The following SYTL5 variants were observed in gnomAD, a reference collection of about 807,000 sequenced individuals.
The protein encoded by SYTL5 is synaptotagmin like 5, also known as synaptotagmin-like protein 5.
SYTL5 carries 34 observed loss-of-function variants against 55.9 expected under a neutral mutation model. The ratio of observed to expected loss-of-function variants is 0.61; its 90% CI spans 0.46 to 0.81. The LOEUF (loss-of-function observed/expected upper bound fraction) is 0.81, where lower values mean the gene tolerates loss of function less well. Ranked by LOEUF, SYTL5 falls within the 30% of genes least tolerant of loss-of-function variation. The pLI, the probability that SYTL5 is intolerant of heterozygous loss-of-function variation, is 0.00. For missense variants in SYTL5, 637 were observed against 546.7 expected, an observed-to-expected ratio of 1.17 and a Z score of -1.65; for synonymous variants, 221 against 188.7, an observed-to-expected ratio of 1.17 and a Z score of -1.40.
chrX:37,953,954 T>A, the SYTL5 span, among the ~76,000 whole-genome samples: 1 of 111,367 alleles, frequency 9.0e-6, no homozygotes, highest in South Asian at 3.8e-4. Context: ...GTTTATAGGC[T>A]GAGATAAAGG....
chrX:37,965,712 C>T, the SYTL5 span, among the ~76,000 whole-genome samples: 3 of 111,742 alleles, frequency 2.7e-5, no homozygotes, highest in East Asian at 5.6e-4. Context: ...AGTATTGAAT[C>T]GCCTACTATT....
chrX:38,052,900 C>T (rs539599517), intron 2 of SYTL5, among the ~76,000 whole-genome samples: 1 of 111,875 alleles, frequency 8.9e-6, no homozygotes, highest in South Asian at 3.7e-4. Flanking sequence ...TGAGAAGGAA[C>T]CTGTCTTCTG....
the SYTL5 span, among the ~76,000 whole-genome samples, chrX:37,959,900 G>A: frequency 8.9e-6 from 1 of 111,772 alleles, no homozygotes; most frequent in African/African-American, 3.3e-5. Flanking sequence ...AAATCTGGGT[G>A]AAGGATGTTC....
chrX:37,988,486 A>C, the SYTL5 span, among the ~76,000 whole-genome samples: 10 of 112,567 alleles, frequency 8.9e-5, no homozygotes, highest in African/African-American at 1.6e-4. Flanking sequence ...GGTTGCTGCT[A>C]TAAGAAATAT....
At chrX:38,065,632 A>G (rs1936077388) in intron 3 of SYTL5, among the ~76,000 whole-genome samples, 1 of 111,856 alleles carries the variant, frequency 8.9e-6, no homozygotes, top group African/African-American at 3.3e-5. Flanking sequence ...GTAGTGCTCT[A>G]TAGTTTCACC....
the SYTL5 span, among the ~76,000 whole-genome samples, chrX:37,956,054 C>A: frequency 8.9e-6 from 1 of 111,944 alleles, no homozygotes; most frequent in Non-Finnish European, 1.9e-5. Context: ...ACTACATGGA[C>A]TAATCTTGCA....
chrX:38,005,755 GA>G (rs1933971939), upstream of SYTL5, among the ~76,000 whole-genome samples: 1 of 111,504 alleles, frequency 9.0e-6, no homozygotes, highest in Non-Finnish European at 1.9e-5. Flanking sequence ...TTTAACATAA[GA>G]AAGTAATAAC....
the SYTL5 span, among the ~76,000 whole-genome samples, chrX:37,931,552 A>G: frequency 9.0e-6 from 1 of 111,483 alleles, no homozygotes; most frequent in East Asian, 2.8e-4. Flanking sequence ...ATCTGGAATG[A>G]TACCATATAC....
the SYTL5 span, among the ~76,000 whole-genome samples, chrX:37,998,633 G>C: frequency 8.9e-6 from 1 of 111,993 alleles, no homozygotes; most frequent in Non-Finnish European, 1.9e-5. Context: ...CTTGACAGGT[G>C]TGGGACCCAG....
rs1167008949 is a variant in SYTL5 at position 38,102,332 on chromosome X, T to C, written c.1063-10T>C. ...CAACCAACCCACTGATTTTTCCCTT[T>C]CTTTTTTAGGACTCCTTGGAAGAGA... On this transcript the variant is annotated splice_polypyrimidine_tract_variant and intron_variant, in intron 9 of 16. Coordinates refer to ENST00000297875, the MANE Select transcript of SYTL5 (RefSeq NM_138780.3). 1 of 1,179,395 alleles carries C rather than the reference T, an allele frequency of 8.5e-7. No homozygotes were observed. The highest frequency in any genetic ancestry group is 1.2e-6 in the Non-Finnish European group (1 of 869,060).
At chrX:37,964,768 A>G in the SYTL5 span, among the ~76,000 whole-genome samples, 39,569 of 109,213 alleles carry the variant, frequency 0.36, 5,191 homozygotes, top group East Asian at 0.61. Flanking sequence ...ATTCATTCTC[A>G]TTATCATTAT....
the SYTL5 span, among the ~76,000 whole-genome samples, chrX:37,957,139 T>C: frequency 6.2e-4 from 70 of 112,344 alleles, 1 homozygote; most frequent in South Asian, 0.025. Flanking sequence ...TTTGGTTGTT[T>C]TTCTGCTACT....
At position 38,094,352 on chromosome X, in the gene SYTL5, C is replaced by T; in HGVS notation, c.889C>T (p.Leu297Phe). 8.3e-7 allele frequency: 1 copy of T among 1,205,551 alleles called. No individual in the cohort carries two copies. Among genetic ancestry groups the T allele is most frequent in the Non-Finnish European group, 1.1e-6 (1 of 891,238 alleles). ...TGCTATTGAAGGTACCTCTCAGGAGCTCACAAAGAGTCACCGCAGAAACAC... is the reference window on the plus strand; with the variant it reads ...TGCTATTGAAGGTACCTCTCAGGAGTTCACAAAGAGTCACCGCAGAAACAC... ...LAAIEGTSQE[L>F]TKSHRRNTSG... The change falls in exon 8 of 17, where the codon CTC becomes TTC. Residue 297 changes from leucine to phenylalanine, a missense_variant. Physicochemically the swap from Leu to Phe is conservative, Grantham distance 22. Coordinates refer to ENST00000297875, the MANE Select transcript of SYTL5 (RefSeq NM_138780.3).
intron 15 of SYTL5, among the ~76,000 whole-genome samples, chrX:38,123,217 G>A (rs753688557): frequency 4.3e-4 from 48 of 112,343 alleles, no homozygotes; most frequent in Non-Finnish European, 8.4e-4. Context: ...TCGGCTCACT[G>A]CAACCTCCGC....
At chrX:37,920,134 A>G in the SYTL5 span, among the ~76,000 whole-genome samples, 1 of 111,861 alleles carries the variant, frequency 8.9e-6, no homozygotes, top group African/African-American at 3.2e-5. Context: ...TTGCGCATTC[A>G]ATCAGTAGGT....
At chrX:38,058,630 T>G (rs1935854268) in intron 3 of SYTL5, among the ~76,000 whole-genome samples, 1 of 111,379 alleles carries the variant, frequency 9.0e-6, no homozygotes, top group Non-Finnish European at 1.9e-5. Context: ...AAGATCCTAT[T>G]GGCTTCTGAT....
chrX:37,967,315 G>A, the SYTL5 span, among the ~76,000 whole-genome samples: 1 of 111,556 alleles, frequency 9.0e-6, no homozygotes, highest in African/African-American at 3.3e-5. Flanking sequence ...GCCTCCCAAA[G>A]TGCTGGGATT....
At chrX:37,935,558 A>G in the SYTL5 span, among the ~76,000 whole-genome samples, 4 of 112,621 alleles carry the variant, frequency 3.6e-5, no homozygotes, top group African/African-American at 1.3e-4. Context: ...ATGGGCATGC[A>G]ATGTTTAATG....
chrX:38,025,819 G>A (rs2147164014), intron 1 of SYTL5, among the ~76,000 whole-genome samples: 1 of 112,219 alleles, frequency 8.9e-6, no homozygotes, highest in East Asian at 2.8e-4. Context: ...GACACACAGT[G>A]ATGATATATC....
Sources: allele counts gnomAD v4.1 joint callset (sites outside exome capture counted in the v4.1 genomes callset), GRCh38; gene constraint gnomAD v4.1.1; transcripts MANE v1.5; gene names NCBI Gene and HGNC (gene_info 2026-07-23, HGNC 2026-07-21).